Variants in MAG observed in about 807,000 individuals in gnomAD.
The protein encoded by MAG is myelin associated glycoprotein, also known as myelin-associated glycoprotein.
In MAG, 30 loss-of-function variants were observed where a neutral mutation model predicts 60.7. That is an observed-to-expected ratio of 0.49 (90% CI 0.37 to 0.67). The LOEUF is 0.67. MAG is among the 30% of genes least tolerant of loss of function. The pLI, the probability that MAG is intolerant of heterozygous loss-of-function variation, is 0.00. For synonymous variants in MAG, 384 were observed against 376.8 expected (o/e 1.02, Z -0.22); for missense variants, 795 against 851.7 (o/e 0.93, Z 0.83).
chr19:35,302,416 G>T (rs1276003751), intron 6 of MAG, 32 bp from the exon 7 acceptor site: 2 of 1,610,054 alleles, frequency 1.2e-6, no homozygotes, highest in Non-Finnish European at 1.7e-6. Context: ...CACCTCCTGG[G>T]TTCTGACCAT....
chr19:35,299,769 AACGGCC>A lies in MAG; in HGVS notation c.634_639del (p.Gly212_His213del). 6.4e-7 allele frequency: 1 copy of A among 1,550,790 alleles called. No homozygotes were observed. The highest frequency in any genetic ancestry group is 8.7e-7 in the Non-Finnish European group (1 of 1,151,778). The stretch of plus-strand genomic sequence containing the variant: ...GCACTTCGTGCCCACGAGGGAGGCC[AACGGCC>A]ACAGGCTGGGCTGCCAGGCCTCCTT... On this transcript the variant is annotated inframe_deletion, in exon 5 of 11. Transcript: ENST00000392213.
intron 10 of MAG, chr19:35,312,460 C>T: frequency 1.6e-6 from 1 of 643,892 alleles, no homozygotes; most frequent in Middle Eastern, 3.3e-4. Flanking sequence ...CAGTGCTGGC[C>T]TTGTCTAGTC....
rs988629729 is a variant in MAG at position 35,293,800 on chromosome 19, C to T, written c.-79-435C>T. On this transcript the variant is annotated intron_variant, in intron 1 of 10. Transcript: ENST00000392213. The surrounding 1 kb of genome is among the most constrained non-coding windows in gnomAD (Gnocchi z 4.0). ...AGGACTCTTTTGTACCGGGGACCAG[C>T]TTCTGGTGAGGGTGCGGACACCAGG... Among the ~76,000 whole-genome samples the T allele has an allele frequency of 6.6e-6, 1 of 152,106 alleles. No homozygotes were observed. Among genetic ancestry groups the T allele is most frequent in the Non-Finnish European group, 1.5e-5 (1 of 68,022 alleles).
At chr19:35,292,425 A>C (rs2066363410) in intron 1 of MAG, among the ~76,000 whole-genome samples, 1 of 151,748 alleles carries the variant, frequency 6.6e-6, no homozygotes, top group Non-Finnish European at 1.5e-5. Context: ...GAGAGAAAAA[A>C]CAAAGGGCCC....
At chr19:35,305,056 A>G (rs2066473956) in intron 7 of MAG, among the ~76,000 whole-genome samples, 1 of 152,108 alleles carries the variant, frequency 6.6e-6, no homozygotes, top group Non-Finnish European at 1.5e-5. Flanking sequence ...CTAGGACTCA[A>G]TCCGGCTTCT....
chr19:35,307,228 T>A (rs1377668718), intron 7 of MAG, among the ~76,000 whole-genome samples: 1 of 152,270 alleles, frequency 6.6e-6, no homozygotes, highest in East Asian at 1.9e-4. Context: ...ACAGGACTTT[T>A]TATTCAGTAG....
At chr19:35,309,826 C>A in intron 7 of MAG, 48 bp from the exon 8 acceptor site, 1 of 1,578,298 alleles carries the variant, frequency 6.3e-7, no homozygotes, top group Non-Finnish European at 8.6e-7. Flanking sequence ...CGGGGCCGGG[C>A]CTCGCGTTGG....
Position 35,302,530 on chromosome 19 carries a change from C to T in MAG, c.1053C>T (p.Ser351=), listed in dbSNP as rs2066456035. The T allele has an allele frequency of 6.2e-7, 1 of 1,614,236 alleles. No individual in the cohort carries two copies. Among genetic ancestry groups the T allele is most frequent in the Non-Finnish European group, 8.5e-7 (1 of 1,180,050 alleles). Residue 351 remains serine (S), a synonymous_variant, in exon 7 of 11, where the codon AGC becomes AGT. Coordinates refer to ENST00000392213, the MANE Select transcript of MAG (RefSeq NM_002361.4). ...TCTCTATCTTGTGCTCCACACAGAG[C>T]AACCCGGACCCTATTCTCACCATCT... ...ETVSILCSTQ[S]NPDPILTIFK...
chr19:35,303,888 G>A (rs1008657304), intron 7 of MAG, among the ~76,000 whole-genome samples: 4 of 151,564 alleles, frequency 2.6e-5, no homozygotes, highest in East Asian at 1.9e-4. Flanking sequence ...CTGGAATATC[G>A]CCTTCCTGTT....
At chr19:35,305,584 T>A (rs1385780806) in intron 7 of MAG, among the ~76,000 whole-genome samples, 3 of 152,158 alleles carry the variant, frequency 2.0e-5, no homozygotes, top group African/African-American at 7.2e-5. Flanking sequence ...CTGCCTGAGC[T>A]CAGGCGAGTG....
Position 35,313,765 on chromosome 19 carries a change from G to A in MAG, c.*311G>A, listed in dbSNP as rs1432445398. The A allele has an allele frequency of 1.2e-5, 3 of 257,032 alleles. No individual in the cohort carries two copies. The highest frequency in any genetic ancestry group is 5.2e-5 in the Admixed American group (1 of 19,356). 15.9% of individuals were successfully genotyped at this position (257,032 alleles called of 1,614,324 possible). A position where few individuals can be genotyped will look rare whatever the true frequency, so the allele number is the denominator to read the frequency against. Reference sequence around the variant, plus strand: ...CTCCTGCCCCCACACCTGGCCCTGGGGCCTGTACAAAAGGGACATGAAATA... The same window carrying A: ...CTCCTGCCCCCACACCTGGCCCTGGAGCCTGTACAAAAGGGACATGAAATA... On this transcript the variant is annotated 3_prime_UTR_variant, in exon 11 of 11. Coordinates refer to ENST00000392213, the MANE Select transcript of MAG (RefSeq NM_002361.4).
rs1414097494 is a variant in MAG, at chr19:35,310,605, G to A, written c.1578G>A (p.Leu526=). Residue 526 remains leucine (L), a synonymous_variant, in exon 9 of 11, where the codon CTG becomes CTA. Coordinates refer to ENST00000392213, the MANE Select transcript of MAG (RefSeq NM_002361.4). Reference sequence around the variant, plus strand: ...GCGCCGTGGTCGCCTTTGCCATCCTGATTGCCATCGTCTGCTACATTACCC... The same window carrying A: ...GCGCCGTGGTCGCCTTTGCCATCCTAATTGCCATCGTCTGCTACATTACCC... ...PVGAVVAFAI[L]IAIVCYITQT... is the part of the protein sequence containing the mutation. 1.9e-6 allele frequency: 3 copies of A among 1,614,122 alleles called. No individual in the cohort carries two copies. The highest frequency in any genetic ancestry group is 1.3e-5 in the African/African-American group (1 of 75,066).
At chr19:35,296,572 C>A (rs897118348) in intron 4 of MAG, among the ~76,000 whole-genome samples, 1 of 152,110 alleles carries the variant, frequency 6.6e-6, no homozygotes, top group African/African-American at 2.4e-5. Flanking sequence ...ATCCTTTAAG[C>A]CAAATAGAAT....
intron 6 of MAG, among the ~76,000 whole-genome samples, chr19:35,301,505 C>G (rs1038142314): frequency 6.9e-6 from 1 of 145,156 alleles, no homozygotes; most frequent in Non-Finnish European, 1.5e-5. Context: ...AATCTTGGCT[C>G]ACTGCAACCT....
At position 35,293,506 on chromosome 19, in the gene MAG, C is replaced by T. The variant is rs1392435859; in HGVS notation, c.-79-729C>T. On this transcript the variant is annotated intron_variant, in intron 1 of 10. Transcript: ENST00000392213. The surrounding 1 kb of genome is among the most constrained non-coding windows in gnomAD (Gnocchi z 4.0). ...CTTCTGGCTGGGGCTACATCTGTCA[C>T]ATTTCATCCCCGCGATTGGATGTGT... is the stretch of plus-strand genomic sequence containing the variant. Among the ~76,000 whole-genome samples, 1 of 152,112 alleles carries T rather than the reference C, an allele frequency of 6.6e-6. No individual in the cohort carries two copies. The highest frequency in any genetic ancestry group is 1.5e-5 in the Non-Finnish European group (1 of 68,018).
At chr19:35,302,379 G>A in intron 6 of MAG, 69 bp from the exon 7 acceptor site, 1 of 1,582,774 alleles carries the variant, frequency 6.3e-7, no homozygotes, top group Non-Finnish European at 8.6e-7. Context: ...GTCATATCTG[G>A]GGATGGTAGT....
rs762126444 is a variant in MAG, at chr19:35,311,924, C to T, written c.1623C>T (p.Asn541=). 9 of 1,612,052 alleles carry T rather than the reference C, an allele frequency of 5.6e-6. No homozygotes were observed. The highest frequency in any genetic ancestry group is 1.7e-4 in the Middle Eastern group (1 of 6,060). The part of the protein sequence containing the change: ...CYITQTRRKK[N]VTESPSFSAG... ...GACGAGTCCTGCCCTGCAGAAAGAACGTGACAGAGAGCCCCAGCTTCTCGG... is the reference window on the plus strand; with the variant it reads ...GACGAGTCCTGCCCTGCAGAAAGAATGTGACAGAGAGCCCCAGCTTCTCGG... Residue 541 remains asparagine (N), a synonymous_variant, in exon 10 of 11, where the codon AAC becomes AAT. Transcript: ENST00000392213.
chr19:35,299,344 C>T (rs1010165491), intron 4 of MAG, among the ~76,000 whole-genome samples: 3 of 152,138 alleles, frequency 2.0e-5, no homozygotes, highest in Admixed American at 6.5e-5. Flanking sequence ...ATTACGATGG[C>T]GCTCTGGTGG....
In MAG at chr19:35,302,687, G is replaced by A. The variant is rs1411495934; in HGVS notation, c.1210G>A (p.Ala404Thr). The change falls in exon 7 of 11, where the codon GCC becomes ACC. Residue 404 changes from alanine to threonine, a missense_variant. Coordinates refer to ENST00000392213, the MANE Select transcript of MAG (RefSeq NM_002361.4). The stretch of plus-strand genomic sequence containing the variant: ...GAACCAGTATGGCCAGAGGGCCACC[G>A]CCTTCAACCTGTCTGTGGAGTGTGA... ...AENQYGQRAT[A>T]FNLSVEFAPV... 2.5e-6 allele frequency: 4 copies of A among 1,613,658 alleles called. No homozygotes were observed. The highest frequency in any genetic ancestry group is 1.3e-5 in the African/African-American group (1 of 74,916).
Sources: allele counts gnomAD v4.1 joint callset (sites outside exome capture counted in the v4.1 genomes callset), GRCh38; gene constraint gnomAD v4.1.1; non-coding constraint Gnocchi (gnomAD v3.1); transcripts MANE v1.5; gene names NCBI Gene and HGNC (gene_info 2026-07-23, HGNC 2026-07-21).